Variants in GPATCH2 observed in about 807,000 individuals in gnomAD.
GPATCH2 encodes the protein G-patch domain containing 2.
GPATCH2 carries 51 observed loss-of-function variants against 58.0 expected under a neutral mutation model. That is an observed-to-expected ratio of 0.88 (90% CI 0.70 to 1.11). The LOEUF (loss-of-function observed/expected upper bound fraction) is 1.11. Ranked by LOEUF, GPATCH2 falls within the 50% of genes most tolerant of loss-of-function variation. The pLI, the probability that GPATCH2 is intolerant of heterozygous loss-of-function variation, is 0.00. For missense variants in GPATCH2, 625 were observed against 652.2 expected (o/e 0.96, Z 0.45); for synonymous variants, 222 against 218.5 (o/e 1.02, Z -0.14).
At chr1:217,544,646 G>C (rs900987845) in intron 5 of GPATCH2, among the ~76,000 whole-genome samples, 1 of 152,144 alleles carries the variant, frequency 6.6e-6, no homozygotes. Flanking sequence ...CTCTATCAAT[G>C]TATGTGCAAG....
At chr1:217,621,547 A>T (rs1430616912) in intron 1 of GPATCH2, among the ~76,000 whole-genome samples, 1 of 152,178 alleles carries the variant, frequency 6.6e-6, no homozygotes. Context: ...TCCCAAAACT[A>T]CTCAACTTGC....
At position 217,498,374 on chromosome 1, in the gene GPATCH2, A is replaced by G; in HGVS notation, c.1188T>C (p.Ala396=). The G allele has an allele frequency of 6.2e-7, 1 of 1,613,292 alleles. No individual in the cohort carries two copies. Among genetic ancestry groups the G allele is most frequent in the Non-Finnish European group, 8.5e-7 (1 of 1,179,216 alleles). ...TCCTTACCTGGTCATGCTCTGTCCT[A>G]GCCCCAGGGCTAAACCAATGGCTGC... ...HHHDHWFSPG[A]RTEHDQHQLL... The change falls in exon 7 of 10, where the codon GCT becomes GCC. Residue 396 remains alanine (A), a synonymous_variant. Transcript: ENST00000366935.
chr1:217,591,259 T>C (rs1235560792), intron 5 of GPATCH2, among the ~76,000 whole-genome samples: 1 of 152,138 alleles, frequency 6.6e-6, no homozygotes, highest in Non-Finnish European at 1.5e-5. Context: ...TGCATATATA[T>C]ATGATGGACA....
Position 217,571,824 on chromosome 1 carries a change from T to C in GPATCH2, c.1098+38497A>G, listed in dbSNP as rs1157970799. Reference sequence around the variant, plus strand: ...ACGAGAATCACTTGAACCCAGGAGGTCAAGAGATGGAGGTTGCAGTGGGCC... The same window carrying C: ...ACGAGAATCACTTGAACCCAGGAGGCCAAGAGATGGAGGTTGCAGTGGGCC... On this transcript the variant is annotated intron_variant, in intron 5 of 9. Transcript: ENST00000366935. Among the ~76,000 whole-genome samples, 4 of 148,894 alleles carry C rather than the reference T, an allele frequency of 2.7e-5. No homozygotes were observed. The East Asian group carries it at 7.9e-4, about 30-fold the overall frequency.
At chr1:217,458,769 C>G (rs995532505) in intron 8 of GPATCH2, among the ~76,000 whole-genome samples, 1 of 152,134 alleles carries the variant, frequency 6.6e-6, no homozygotes. Flanking sequence ...GTCCTCTTAG[C>G]GCCCTCAAGT....
At chr1:217,461,671 A>C (rs1370342125) in intron 8 of GPATCH2, among the ~76,000 whole-genome samples, 4 of 152,176 alleles carry the variant, frequency 2.6e-5, no homozygotes, top group African/African-American at 9.6e-5. Context: ...AACACTACAA[A>C]ACATATTTGT....
At chr1:217,452,011 T>C (rs1422727243) in intron 8 of GPATCH2, among the ~76,000 whole-genome samples, 1 of 152,220 alleles carries the variant, frequency 6.6e-6, no homozygotes, top group Non-Finnish European at 1.5e-5. Flanking sequence ...CAGAAGGGAC[T>C]GTATAACACG....
intron 8 of GPATCH2, among the ~76,000 whole-genome samples, chr1:217,454,618 T>TA (rs940784600): frequency 3.5e-5 from 5 of 144,448 alleles, no homozygotes; most frequent in Admixed American, 6.9e-5. Context: ...AAACCTTTCC[T>TA]TTTTTTTTCC....
chr1:217,566,101 CAAAAA>C (rs59608962), intron 5 of GPATCH2, among the ~76,000 whole-genome samples: 1 of 47,242 alleles, frequency 2.1e-5, no homozygotes, highest in South Asian at 1.1e-3. Flanking sequence ...AACTCCGTCT[CAAAAA>C]AAAAAAAAAA....
At chr1:217,461,608 C>T (rs969633888) in intron 8 of GPATCH2, among the ~76,000 whole-genome samples, 2 of 151,944 alleles carry the variant, frequency 1.3e-5, no homozygotes, top group African/African-American at 4.8e-5. Context: ...TCATGTTAAC[C>T]AGTCTTTTTA....
At chr1:217,463,918 T>C (rs1281030188) in intron 8 of GPATCH2, among the ~76,000 whole-genome samples, 1 of 152,118 alleles carries the variant, frequency 6.6e-6, no homozygotes, top group Non-Finnish European at 1.5e-5. Context: ...CAGAATAGCA[T>C]CTGGGTTCCA....
At chr1:217,481,822 C>T (rs1156351359) in intron 8 of GPATCH2, among the ~76,000 whole-genome samples, 2 of 152,136 alleles carry the variant, frequency 1.3e-5, no homozygotes, top group African/African-American at 4.8e-5. Flanking sequence ...GACTGTACCA[C>T]TGCACTTTAG....
chr1:217,476,036 G>A (rs565677775), intron 8 of GPATCH2, among the ~76,000 whole-genome samples: 1 of 152,114 alleles, frequency 6.6e-6, no homozygotes, highest in Middle Eastern at 3.4e-3. Context: ...AACTAACTGA[G>A]AGGTGTTTAA....
chr1:217,446,167 CTG>C (rs1238818108), intron 9 of GPATCH2, among the ~76,000 whole-genome samples: 1 of 152,082 alleles, frequency 6.6e-6, no homozygotes, highest in Non-Finnish European at 1.5e-5. Context: ...AAATAAAAGA[CTG>C]TTATCATCTG....
intron 7 of GPATCH2, chr1:217,495,085 T>C: frequency 1.4e-6 from 1 of 690,896 alleles, no homozygotes. Flanking sequence ...CCTGCAGATG[T>C]ATATTAAAAA....
chr1:217,450,059 T>C (rs890159738), intron 8 of GPATCH2, among the ~76,000 whole-genome samples: 1 of 152,090 alleles, frequency 6.6e-6, no homozygotes. Context: ...TGAAAAGTTA[T>C]ATAAAAAAAT....
rs142908501 is a variant in GPATCH2, at chr1:217,462,338, G to C, written c.1278-13001C>G. ...ATCAAATGCCAAATGATTCAACAAC[G>C]ATCAGGTTAGTCATGATTGCAAAAT... On this transcript the variant is annotated intron_variant, in intron 8 of 9. Coordinates refer to ENST00000366935, the MANE Select transcript of GPATCH2 (RefSeq NM_018040.5). Among the ~76,000 whole-genome samples, 429 of 152,148 alleles carry C rather than the reference G, an allele frequency of 2.8e-3. 2 individuals carry two copies. The highest frequency in any genetic ancestry group is 0.01 in the African/African-American group (416 of 41,530).
chr1:217,509,287 A>G (rs1055414129), intron 6 of GPATCH2, among the ~76,000 whole-genome samples: 3 of 152,092 alleles, frequency 2.0e-5, no homozygotes, highest in African/African-American at 7.2e-5. Flanking sequence ...GTTGCAGTGC[A>G]CCAAGATCGC....
intron 8 of GPATCH2, among the ~76,000 whole-genome samples, chr1:217,451,783 C>T (rs1220818329): frequency 6.6e-6 from 1 of 152,174 alleles, no homozygotes; most frequent in African/African-American, 2.4e-5. Flanking sequence ...AAGTGGGAAT[C>T]TGAATTCTGC....
Sources: gnomAD v4.1 joint callset for allele counts (sites outside exome capture counted in the v4.1 genomes callset) on GRCh38, gnomAD v4.1.1 for gene constraint, MANE v1.5 for transcripts, NCBI Gene and HGNC (gene_info 2026-07-23, HGNC 2026-07-21) for gene names.